Variants in PDZRN3 observed in about 807,000 individuals in gnomAD.
The protein encoded by PDZRN3 is PDZ domain containing ring finger 3, also known as E3 ubiquitin-protein ligase PDZRN3.
Under a neutral mutation model 85.7 loss-of-function variants are expected in PDZRN3, and 38 were observed. The observed-to-expected ratio is 0.44, with a 90% CI of 0.34 to 0.58. PDZRN3 has a LOEUF of 0.58. PDZRN3 is among the 20% of genes least tolerant of loss of function. PDZRN3 has a pLI of 0.01. For synonymous variants in PDZRN3, 759 were observed against 638.0 expected, an observed-to-expected ratio of 1.19 and a Z score of -2.86; for missense variants, 1,629 against 1,506.4, an observed-to-expected ratio of 1.08 and a Z score of -1.35.
chr3:73,440,181 G>C (rs909843864), intron 3 of PDZRN3, among the ~76,000 whole-genome samples: 2 of 152,148 alleles, frequency 1.3e-5, no homozygotes, highest in African/African-American at 4.8e-5. Context: ...TGTTTCACTT[G>C]AAGTACTAGT....
chr3:73,521,184 G>T (rs1048655967), intron 3 of PDZRN3, among the ~76,000 whole-genome samples: 1 of 152,136 alleles, frequency 6.6e-6, no homozygotes, highest in Non-Finnish European at 1.5e-5. Flanking sequence ...CGGTGGACTC[G>T]TTAAACGGGT....
At chr3:73,611,352 A>C (rs1702682378) in intron 1 of PDZRN3, among the ~76,000 whole-genome samples, 1 of 152,234 alleles carries the variant, frequency 6.6e-6, no homozygotes, top group South Asian at 2.1e-4. Flanking sequence ...CCCAAGGGAC[A>C]ATTAAGACAC....
intron 6 of PDZRN3, 98 bp downstream of exon 6, chr3:73,390,920 A>C: frequency 6.8e-6 from 5 of 737,016 alleles, no homozygotes; most frequent in Non-Finnish European, 9.6e-6. Context: ...GTCTTTCCAA[A>C]GAGATCTTGA....
At chr3:73,499,155 T>C (rs375939167) in intron 3 of PDZRN3, among the ~76,000 whole-genome samples, 8 of 152,294 alleles carry the variant, frequency 5.3e-5, no homozygotes, top group African/African-American at 1.9e-4. Flanking sequence ...CCTTACCACC[T>C]GCCAACAGCA....
intron 3 of PDZRN3, among the ~76,000 whole-genome samples, chr3:73,566,205 C>T (rs754684503): frequency 2.6e-5 from 4 of 152,156 alleles, no homozygotes; most frequent in Non-Finnish European, 5.9e-5. Context: ...TTACTTGAAC[C>T]AATTTCTTTT....
Position 73,385,723 on chromosome 3 carries a change from C to A in PDZRN3, c.1581G>T (p.Met527Ile), listed in dbSNP as rs138891451. 1 of 1,614,048 alleles carries A rather than the reference C, an allele frequency of 6.2e-7. No homozygotes were observed. Among genetic ancestry groups the A allele is most frequent in the Non-Finnish European group, 8.5e-7 (1 of 1,179,916 alleles). Residue 527 changes from methionine (M) to isoleucine (I), a missense_variant, in exon 9 of 10, where the codon ATG becomes ATT. Met to Ile is a conservative substitution (Grantham distance 10). Transcript: ENST00000263666. ...TGGCCTGGTGGTGCTGCTCCTCCAGCATGTCCATGTGCAGGTCATCCAGAA... is the reference window on the plus strand; with the variant it reads ...TGGCCTGGTGGTGCTGCTCCTCCAGAATGTCCATGTGCAGGTCATCCAGAA... ...NDFLDDLHMDMLEEQHHQAMQ... is the reference protein window; with the variant it reads ...NDFLDDLHMDILEEQHHQAMQ...
At chr3:73,438,248 G>A (rs1262345002) in intron 3 of PDZRN3, among the ~76,000 whole-genome samples, 1 of 152,136 alleles carries the variant, frequency 6.6e-6, no homozygotes, top group African/African-American at 2.4e-5. Context: ...AAGTGCCCAG[G>A]GAATATCCCT....
At position 73,617,033 on chromosome 3, in the gene PDZRN3, T is replaced by A. The variant is rs371738732; in HGVS notation, c.723+7070A>T. ...CATCTAACCTTCACCCACGATCTGA[T>A]GGGACTTCATCCCTCACCTATCCAA... On this transcript the variant is annotated intron_variant, in intron 1 of 9. Coordinates refer to ENST00000263666, the MANE Select transcript of PDZRN3 (RefSeq NM_015009.3). Among the ~76,000 whole-genome samples, 31 of 152,278 alleles carry A rather than the reference T, an allele frequency of 2.0e-4. No homozygotes were observed. In the East Asian group the frequency reaches 3.1e-3, roughly 15 times the overall value.
intron 1 of PDZRN3, among the ~76,000 whole-genome samples, chr3:73,617,141 C>A (rs997691182): frequency 6.6e-5 from 10 of 152,318 alleles, no homozygotes; most frequent in South Asian, 4.1e-4. Context: ...CTTCTCTGCA[C>A]ACACACTGCT....
chr3:73,584,113 G>C (rs1702239228), intron 3 of PDZRN3, among the ~76,000 whole-genome samples: 1 of 150,156 alleles, frequency 6.7e-6, no homozygotes, highest in Non-Finnish European at 1.5e-5. Flanking sequence ...CCTCTGTCTA[G>C]TGTGGTAAAT....
chr3:73,383,724 G>A lies in PDZRN3; in HGVS notation c.2842C>T (p.Leu948=). Residue 948 remains leucine, a synonymous_variant, in exon 10 of 10, where the codon CTG becomes TTG. Transcript: ENST00000263666. ...CCGCTGCGCTCTTCCCGGATCTTCA[G>A]GGCGCGCTCCCGCAGCAGGCGGTCC... The part of the protein sequence containing the change: ...VRDRLLRERA[L]KIREERSGMT... 1.9e-6 allele frequency: 3 copies of A among 1,611,854 alleles called. No homozygotes were observed. The highest frequency in any genetic ancestry group is 1.3e-5 in the African/African-American group (1 of 75,054).
intron 3 of PDZRN3, among the ~76,000 whole-genome samples, chr3:73,421,032 T>C (rs987385552): frequency 5.3e-5 from 8 of 152,248 alleles, no homozygotes; most frequent in Non-Finnish European, 1.0e-4. Flanking sequence ...GAATTCAACA[T>C]AGTACTGGCA....
intron 3 of PDZRN3, among the ~76,000 whole-genome samples, chr3:73,558,222 GA>G (rs5850120): frequency 6.9e-6 from 1 of 145,042 alleles, no homozygotes; most frequent in African/African-American, 2.5e-5. Flanking sequence ...TTGGGTATGT[GA>G]AAAAAAAAAA....
At chr3:73,584,644 T>G (rs1271148632) in intron 3 of PDZRN3, among the ~76,000 whole-genome samples, 1 of 152,196 alleles carries the variant, frequency 6.6e-6, no homozygotes, top group South Asian at 2.1e-4. Context: ...TGTTCTGATT[T>G]AGATTCTAGT....
At chr3:73,574,460 G>GGT (rs1553704241) in intron 3 of PDZRN3, among the ~76,000 whole-genome samples, 5 of 140,598 alleles carry the variant, frequency 3.6e-5, no homozygotes, top group African/African-American at 1.1e-4. Context: ...GCTGGGGTGG[G>GGT]GGGGGTGGGG....
intron 3 of PDZRN3, among the ~76,000 whole-genome samples, chr3:73,422,155 C>T (rs952636831): frequency 1.3e-5 from 2 of 152,358 alleles, no homozygotes; most frequent in South Asian, 4.1e-4. Flanking sequence ...CATTGTACTA[C>T]ACTGGAACAT....
chr3:73,430,010 AG>A (rs776325815), intron 3 of PDZRN3, among the ~76,000 whole-genome samples: 28 of 152,238 alleles, frequency 1.8e-4, no homozygotes, highest in Admixed American at 7.2e-4. Flanking sequence ...ACTGACCCGC[AG>A]GTTCCCTATA....
At position 73,404,133 on chromosome 3, in the gene PDZRN3, G is replaced by T; in HGVS notation, c.1166+15C>A. On this transcript the variant is annotated intron_variant, in intron 4 of 9. Transcript: ENST00000263666. ...ACTTCTTAATGCATTAGGGGTTCAA[G>T]ATTAGGTTACTTACTCCTCTGGCAA... 5.6e-6 allele frequency: 9 copies of T among 1,611,128 alleles called. No homozygotes were observed. Among genetic ancestry groups the T allele is most frequent in the Non-Finnish European group, 7.6e-6 (9 of 1,177,914 alleles).
chr3:73,599,164 T>C (rs1002962203), intron 3 of PDZRN3, among the ~76,000 whole-genome samples: 2 of 152,310 alleles, frequency 1.3e-5, no homozygotes, highest in Admixed American at 1.3e-4. Context: ...CACAGCAGCA[T>C]TATTCAAGAC....
Sources: gnomAD v4.1 joint callset for allele counts (sites outside exome capture counted in the v4.1 genomes callset) on GRCh38, gnomAD v4.1.1 for gene constraint, MANE v1.5 for transcripts, NCBI Gene and HGNC (gene_info 2026-07-23, HGNC 2026-07-21) for gene names.